PLCG2: variants seen among roughly 807,000 people sequenced by gnomAD.
PLCG2 encodes phospholipase C gamma 2.
In PLCG2, 69 loss-of-function variants were observed where a neutral mutation model predicts 175.6. The observed-to-expected ratio is 0.39, with a 90% CI of 0.32 to 0.48. PLCG2 has a LOEUF of 0.48. PLCG2 is among the 20% of genes least tolerant of loss of function. The pLI, the probability that PLCG2 is intolerant of heterozygous loss-of-function variation, is 0.91. For synonymous variants in PLCG2, 827 were observed against 624.0 expected (o/e 1.33, Z -4.85); for missense variants, 1,798 against 1,650.9 (o/e 1.09, Z -1.54).
chr16:81,915,683 G>A (rs1017380534), intron 19 of PLCG2, among the ~76,000 whole-genome samples: 3 of 152,138 alleles, frequency 2.0e-5, no homozygotes, highest in African/African-American at 4.8e-5. Flanking sequence ...CCCATGCGAC[G>A]GGTTGTGGAT....
intron 6 of PLCG2, 116 bp downstream of exon 6, chr16:81,869,414 C>T (rs1026003731): frequency 2.2e-5 from 16 of 733,790 alleles, no homozygotes; most frequent in Non-Finnish European, 4.0e-5. Context: ...AATCCTTTGC[C>T]TCCAGAGTAC....
chr16:81,902,967 G>C (rs1016441617), intron 14 of PLCG2, among the ~76,000 whole-genome samples: 3 of 152,168 alleles, frequency 2.0e-5, no homozygotes, highest in Non-Finnish European at 2.9e-5. Context: ...CCGCCCCCAT[G>C]ATTCAATTAC....
intron 2 of PLCG2, among the ~76,000 whole-genome samples, chr16:81,794,688 C>T: frequency 6.6e-6 from 1 of 152,308 alleles, no homozygotes; most frequent in Admixed American, 6.5e-5. Context: ...TATGTAAAAT[C>T]CTTCAATAGT....
chr16:81,849,829 T>G (rs4889411), intron 2 of PLCG2, among the ~76,000 whole-genome samples: 5 of 149,740 alleles, frequency 3.3e-5, no homozygotes, highest in South Asian at 4.2e-4. Flanking sequence ...GACATTTTAC[T>G]GGGAAAGAGA....
chr16:81,848,355 C>T (rs1906230117), intron 2 of PLCG2, among the ~76,000 whole-genome samples: 1 of 152,132 alleles, frequency 6.6e-6, no homozygotes, highest in East Asian at 1.9e-4. Flanking sequence ...TTTCCTGGGG[C>T]AGGGCTGGCT....
chr16:81,888,468 C>T (rs1908478453), intron 9 of PLCG2, among the ~76,000 whole-genome samples: 1 of 152,226 alleles, frequency 6.6e-6, no homozygotes, highest in African/African-American at 2.4e-5. Flanking sequence ...CTCAGGCAGT[C>T]CACCCGCCTC....
At chr16:81,778,055 CA>C (rs1425376634), upstream of PLCG2, among the ~76,000 whole-genome samples, 11 of 56,766 alleles carry the variant, frequency 1.9e-4, no homozygotes, top group East Asian at 4.7e-3. Flanking sequence ...AAAAAAAAAA[CA>C]AAAAAAACCA....
rs754915339 is a variant in PLCG2, at chr16:81,907,609, C to T, written c.1468-76C>T. 220 of 983,406 alleles carry T rather than the reference C, an allele frequency of 2.2e-4. 1 individual carries two copies. The highest frequency in any genetic ancestry group is 3.7e-4 in the Admixed American group (20 of 54,394). The allele number at this position is 983,406 out of a possible 1,614,324, so 60.9% of individuals were successfully genotyped here. On this transcript the variant is annotated intron_variant, in intron 15 of 32. Transcript: ENST00000564138. The stretch of plus-strand genomic sequence containing the variant: ...ATCCATAGTAGATGCTGGGGTGACG[C>T]CCTGCAGGGCTCCTGGGCTCCACAG...
In PLCG2 at chr16:81,936,456, G is replaced by A. The variant is rs1910717457; in HGVS notation, c.3052+78G>A. The A allele has an allele frequency of 3.6e-6, 4 of 1,116,642 alleles. No individual in the cohort carries two copies. In the Admixed American group the frequency reaches 5.1e-5, roughly 14 times the overall value. 69.2% of individuals were successfully genotyped at this position (1,116,642 alleles called of 1,614,324 possible). A position where few individuals can be genotyped will look rare whatever the true frequency, so the allele number is the denominator to read the frequency against. ...CTCCAGGCCGAGTCACCTTGGGTCAGCGATACCATGTGGTGTCCAAGAATG... is the reference window on the plus strand; with the variant it reads ...CTCCAGGCCGAGTCACCTTGGGTCAACGATACCATGTGGTGTCCAAGAATG... On this transcript the variant is annotated intron_variant, in intron 27 of 32. Transcript: ENST00000564138.
intron 8 of PLCG2, among the ~76,000 whole-genome samples, chr16:81,883,058 G>A (rs1175469591): frequency 6.6e-6 from 1 of 152,168 alleles, no homozygotes; most frequent in Non-Finnish European, 1.5e-5. Flanking sequence ...TGCCCCTTGA[G>A]ATTCCGATGT....
intron 9 of PLCG2, among the ~76,000 whole-genome samples, chr16:81,885,299 C>T (rs1320891715): frequency 1.3e-5 from 2 of 151,134 alleles, no homozygotes; most frequent in African/African-American, 4.9e-5. Flanking sequence ...GCTGGGATTA[C>T]AGGTGTGAGC....
chr16:81,794,213 C>T (rs1396325830), intron 2 of PLCG2, among the ~76,000 whole-genome samples: 2 of 152,004 alleles, frequency 1.3e-5, no homozygotes, highest in East Asian at 1.9e-4. Context: ...ACAAGGGTGC[C>T]GAAGTGAGAG....
rs980810415 is a variant in PLCG2, at chr16:81,961,507, C to T, written c.*3509C>T. ...TAGGATTATAGGATACTATATAATA[C>T]TTTTGGTACAGAGATAGAATTAAAT... On this transcript the variant is annotated 3_prime_UTR_variant, in exon 33 of 33. Transcript: ENST00000564138. 7.2e-5 allele frequency: 16 copies of T among 221,690 alleles called. 1 individual carries two copies. The Admixed American group carries it at 8.1e-4, about 11-fold the overall frequency. The allele number at this position is 221,690 out of a possible 1,614,324, so 13.7% of individuals were successfully genotyped here.
intron 1 of PLCG2, 112 bp downstream of exon 1, chr16:81,779,536 G>GT (rs1567459223): frequency 6.6e-6 from 1 of 151,982 alleles, no homozygotes; most frequent in Non-Finnish European, 1.5e-5. Context: ...GGCTCAGCCG[G>GT]AGCGGGCAGG....
intron 2 of PLCG2, among the ~76,000 whole-genome samples, chr16:81,766,566 C>T (rs1393309339): frequency 1.3e-5 from 2 of 152,170 alleles, no homozygotes; most frequent in Non-Finnish European, 2.9e-5. Flanking sequence ...AAACCCAGCC[C>T]TTCCTCCCCC....
chr16:81,912,822 C>A, intron 19 of PLCG2, 106 bp downstream of exon 19: 1 of 1,302,294 alleles, frequency 7.7e-7, no homozygotes, highest in Non-Finnish European at 1.0e-6. Flanking sequence ...CAGTGCCCTG[C>A]CCCCCCAGCA....
intron 24 of PLCG2, among the ~76,000 whole-genome samples, chr16:81,929,815 C>T (rs1910426682): frequency 6.6e-6 from 1 of 152,264 alleles, no homozygotes; most frequent in South Asian, 2.1e-4. Context: ...TGACCGACCA[C>T]CACATGTGCT....
intron 30 of PLCG2, among the ~76,000 whole-genome samples, chr16:81,941,400 G>A (rs1370852964): frequency 6.6e-6 from 1 of 152,112 alleles, no homozygotes. Flanking sequence ...CCCAGGGTGG[G>A]GCCAAGGAAT....
intron 2 of PLCG2, among the ~76,000 whole-genome samples, chr16:81,836,298 C>T (rs1212434864): frequency 3.9e-5 from 6 of 152,186 alleles, no homozygotes; most frequent in Admixed American, 1.3e-4. Context: ...GGGACTGGAT[C>T]GTGGATCTCC....
Sources: allele counts gnomAD v4.1 joint callset (sites outside exome capture counted in the v4.1 genomes callset), GRCh38; gene constraint gnomAD v4.1.1; transcripts MANE v1.5; gene names NCBI Gene and HGNC (gene_info 2026-07-23, HGNC 2026-07-21).